FAM163B: variants seen among roughly 807,000 people sequenced by gnomAD.
The protein encoded by FAM163B is protein FAM163B.
Under a neutral mutation model 7.6 loss-of-function variants are expected in FAM163B, and 4 were observed. That is an observed-to-expected ratio of 0.52 (90% CI 0.26 to 1.20). FAM163B has a LOEUF of 1.20. Ranked by LOEUF, FAM163B falls within the 50% of genes most tolerant of loss-of-function variation. FAM163B has a pLI of 0.14. For synonymous variants in FAM163B, 120 were observed against 111.6 expected (o/e 1.07, Z -0.47); for missense variants, 250 against 243.0 (o/e 1.03, Z -0.19).
In FAM163B at chr9:133,579,408, C is replaced by T. The variant is rs1831318298; in HGVS notation, c.115G>A (p.Glu39Lys). The change falls in exon 3 of 3, where the codon GAG becomes AAG. Residue 39 changes from glutamate (E) to lysine (K), a missense_variant. Physicochemically the swap from Glu to Lys is moderately conservative, Grantham distance 56 (BLOSUM62 1). Transcript: ENST00000673969. ...RLQYYCCKKDESEEDEEEPDF... is the reference protein window; with the variant it reads ...RLQYYCCKKDKSEEDEEEPDF... Reference sequence around the variant, plus strand: ...GGTTCCTCCTCGTCCTCCTCCGACTCGTCCTTCTTGCAGCAGTAGTACTGC... The same window carrying T: ...GGTTCCTCCTCGTCCTCCTCCGACTTGTCCTTCTTGCAGCAGTAGTACTGC... 7 of 1,605,500 alleles carry T rather than the reference C, an allele frequency of 4.4e-6. No individual in the cohort carries two copies. The highest frequency in any genetic ancestry group is 1.7e-4 in the Middle Eastern group (1 of 6,040).
intron 1 of FAM163B, among the ~76,000 whole-genome samples, chr9:133,605,029 G>C (rs1388589187): frequency 1.3e-5 from 2 of 152,224 alleles, no homozygotes; most frequent in Non-Finnish European, 2.9e-5. Context: ...CTGAGGTCAG[G>C]AGCCAAGGCT....
intron 1 of FAM163B, among the ~76,000 whole-genome samples, chr9:133,595,941 G>A (rs1183120683): frequency 6.6e-6 from 1 of 152,204 alleles, no homozygotes; most frequent in Non-Finnish European, 1.5e-5. Flanking sequence ...AGCCGAATGA[G>A]AAGTGAATGT....
At position 133,579,043 on chromosome 9, in the gene FAM163B, G is replaced by T. The variant is rs1203951268; in HGVS notation, c.480C>A (p.Arg160=). 7.7e-6 allele frequency: 12 copies of T among 1,561,652 alleles called. No homozygotes were observed. The South Asian group carries it at 1.2e-4, about 15-fold the overall frequency. The part of the protein sequence containing the change: ...SAMREAFARS[R]SISTDV The stretch of plus-strand genomic sequence containing the variant: ...CAGGTCACACGTCGGTGCTGATGCT[G>T]CGGCTCCTGGCGAAGGCCTCCCGCA... The change falls in exon 3 of 3, where the codon CGC becomes CGA. Residue 160 remains arginine, a synonymous_variant. Transcript: ENST00000673969.
At position 133,579,151 on chromosome 9, in the gene FAM163B, C is replaced by G; in HGVS notation, c.372G>C (p.Lys124Asn). The change falls in exon 3 of 3, where the codon AAG (lysine) becomes AAC (asparagine). Residue 124 changes from lysine (K) to asparagine (N), a missense_variant. By Grantham distance (94) the Lys-to-Asn change is moderately conservative. Coordinates refer to ENST00000673969, the MANE Select transcript of FAM163B (RefSeq NM_001080515.3). ...VLNGGERVLYKSVSQEDVELP... is the reference protein window; with the variant it reads ...VLNGGERVLYNSVSQEDVELP... Reference sequence around the variant, plus strand: ...GCTCCACGTCCTCCTGGCTCACGCTCTTGTAGAGCACGCGCTCCCCGCCGT... The same window carrying G: ...GCTCCACGTCCTCCTGGCTCACGCTGTTGTAGAGCACGCGCTCCCCGCCGT... 1 of 1,610,362 alleles carries G rather than the reference C, an allele frequency of 6.2e-7. No individual in the cohort carries two copies. The highest frequency in any genetic ancestry group is 8.5e-7 in the Non-Finnish European group (1 of 1,179,804).
rs1217630633 is a variant in FAM163B at position 133,578,227 on chromosome 9, G to A, written c.*795C>T. 1.3e-5 allele frequency among the ~76,000 whole-genome samples: 2 copies of A among 152,158 alleles called. No individual in the cohort carries two copies. Among genetic ancestry groups the A allele is most frequent in the African/African-American group, 4.8e-5 (2 of 41,434 alleles). On this transcript the variant is annotated 3_prime_UTR_variant, in exon 3 of 3. Coordinates refer to ENST00000673969, the MANE Select transcript of FAM163B (RefSeq NM_001080515.3). ...CCGTTCACTGCCGCTTGCTGGCCCTGTTTCTGGCTGAGCACTGGGTCTATA... is the reference window on the plus strand; with the variant it reads ...CCGTTCACTGCCGCTTGCTGGCCCTATTTCTGGCTGAGCACTGGGTCTATA...
intron 1 of FAM163B, among the ~76,000 whole-genome samples, chr9:133,605,726 CA>C (rs1248842143): frequency 2.0e-5 from 3 of 152,192 alleles, no homozygotes; most frequent in Admixed American, 2.0e-4. Flanking sequence ...ACGTGCGGCC[CA>C]TCCCGAGCGT....
intron 1 of FAM163B, among the ~76,000 whole-genome samples, chr9:133,603,833 C>T (rs1407373037): frequency 1.3e-5 from 2 of 152,138 alleles, no homozygotes; most frequent in African/African-American, 2.4e-5. Flanking sequence ...ATTGCTATTT[C>T]TTTTCTTTTC....
chr9:133,605,695 G>A (rs373825001), intron 1 of FAM163B, among the ~76,000 whole-genome samples: 23 of 152,172 alleles, frequency 1.5e-4, no homozygotes, highest in African/African-American at 3.6e-4. Flanking sequence ...CCAGGGCCCC[G>A]GGGCCGCAAC....
At chr9:133,599,181 G>A (rs529266102) in intron 1 of FAM163B, among the ~76,000 whole-genome samples, 11 of 152,218 alleles carry the variant, frequency 7.2e-5, no homozygotes, top group East Asian at 1.9e-4. Flanking sequence ...CACAGAGTTC[G>A]CCTCTGCCTC....
intron 1 of FAM163B, among the ~76,000 whole-genome samples, chr9:133,588,558 C>A (rs1024747861): frequency 0.021 from 1 of 48 alleles, no homozygotes; most frequent in African/African-American, 0.083. Context: ...AAGGATCTAG[C>A]ATGTTGAGGG....
At chr9:133,596,100 T>G (rs551807240) in intron 1 of FAM163B, among the ~76,000 whole-genome samples, 1 of 151,158 alleles carries the variant, frequency 6.6e-6, no homozygotes, top group African/African-American at 2.4e-5. Flanking sequence ...GAGGCTGTCA[T>G]GGTCATCAAG....
intron 1 of FAM163B, among the ~76,000 whole-genome samples, chr9:133,588,668 G>T (rs796133729): frequency 1.3e-5 from 2 of 148,960 alleles, no homozygotes; most frequent in African/African-American, 2.5e-5. Flanking sequence ...GCATGCTGAG[G>T]GATCTAGCAT....
intron 1 of FAM163B, among the ~76,000 whole-genome samples, chr9:133,597,139 A>T (rs1429418879): frequency 2.6e-5 from 4 of 152,272 alleles, no homozygotes. Context: ...AACCACAGTG[A>T]ACAGAAAATC....
intron 1 of FAM163B, among the ~76,000 whole-genome samples, chr9:133,587,844 T>G (rs1831463739): frequency 6.6e-6 from 1 of 152,090 alleles, no homozygotes; most frequent in South Asian, 2.1e-4. Context: ...CCAGTCTAAC[T>G]GACCCCACTT....
At chr9:133,598,241 G>C (rs1245515619) in intron 1 of FAM163B, among the ~76,000 whole-genome samples, 1 of 151,974 alleles carries the variant, frequency 6.6e-6, no homozygotes, top group Non-Finnish European at 1.5e-5. Flanking sequence ...AGCTCCTCAG[G>C]GGCTCTCCCC....
rs1831695498 is a variant in FAM163B, at chr9:133,600,051, G to A, written c.-24+9026C>T. ...ATGTATGTGTGGTCTGTGTGGATGTGTGTGAGTTTGTGTGTGCATGTGTGT... is the reference window on the plus strand; with the variant it reads ...ATGTATGTGTGGTCTGTGTGGATGTATGTGAGTTTGTGTGTGCATGTGTGT... On this transcript the variant is annotated intron_variant, in intron 1 of 2. Transcript: ENST00000673969. This position sits in a 1 kb window ranked among gnomAD's most constrained non-coding sequence, Gnocchi z 4.9. 1.4e-5 allele frequency among the ~76,000 whole-genome samples: 2 copies of A among 145,490 alleles called. No individual in the cohort carries two copies. Among genetic ancestry groups the A allele is most frequent in the African/African-American group, 2.7e-5 (1 of 37,582 alleles).
At chr9:133,590,051 CCTT>C (rs1364965784) in intron 1 of FAM163B, among the ~76,000 whole-genome samples, 1 of 32,746 alleles carries the variant, frequency 3.1e-5, no homozygotes, top group Non-Finnish European at 7.8e-5. Context: ...CCTTCCCTTC[CCTT>C]CCCTTCCCTT....
chr9:133,603,288 C>A (rs1166945461), intron 1 of FAM163B, among the ~76,000 whole-genome samples: 1 of 152,184 alleles, frequency 6.6e-6, no homozygotes, highest in African/African-American at 2.4e-5. Flanking sequence ...CAATGCATAC[C>A]CAGCGCATCC....
intron 1 of FAM163B, among the ~76,000 whole-genome samples, chr9:133,589,271 A>G (rs1029708119): frequency 7.9e-5 from 12 of 152,266 alleles, no homozygotes; most frequent in African/African-American, 2.9e-4. Context: ...AAGCACCACT[A>G]TCTCTGTGCC....
Sources: allele counts gnomAD v4.1 joint callset (sites outside exome capture counted in the v4.1 genomes callset), GRCh38; gene constraint gnomAD v4.1.1; non-coding constraint Gnocchi (gnomAD v3.1); transcripts MANE v1.5; gene names NCBI Gene and HGNC (gene_info 2026-07-23, HGNC 2026-07-21).